Variants in TTYH2 observed in about 807,000 individuals in gnomAD.
TTYH2 encodes tweety family member 2.
Under a neutral mutation model 68.3 loss-of-function variants are expected in TTYH2, and 49 were observed. The observed-to-expected ratio is 0.72, with a 90% CI of 0.57 to 0.91. TTYH2 has a LOEUF of 0.91. Ranked by LOEUF, TTYH2 falls within the 40% of genes least tolerant of loss-of-function variation. TTYH2 has a pLI of 0.00. For missense variants in TTYH2, 631 were observed against 700.4 expected (o/e 0.90, Z 1.12); for synonymous variants, 272 against 300.8 (o/e 0.90, Z 0.99).
intron 9 of TTYH2, 117 bp downstream of exon 9, chr17:74,250,145 C>T (rs2050605813): frequency 1.4e-6 from 2 of 1,457,956 alleles, no homozygotes; most frequent in Non-Finnish European, 1.9e-6. Flanking sequence ...GTTCTCCCGC[C>T]CCCGTGACTC....
At position 74,245,148 on chromosome 17, in the gene TTYH2, C is replaced by T. The variant is rs570482498; in HGVS notation, c.804+1099C>T. Among the ~76,000 whole-genome samples, 13 of 152,356 alleles carry T rather than the reference C, an allele frequency of 8.5e-5. No individual in the cohort carries two copies. The South Asian group carries it at 2.7e-3, about 32-fold the overall frequency. On this transcript the variant is annotated intron_variant, in intron 6 of 13. Coordinates refer to ENST00000269346, the MANE Select transcript of TTYH2 (RefSeq NM_032646.6). Reference sequence around the variant, plus strand: ...CACAATGCCCTCAGGGACTCTGGCACTGCCTGACTTAGCACCTTAGGCAGA... The same window carrying T: ...CACAATGCCCTCAGGGACTCTGGCATTGCCTGACTTAGCACCTTAGGCAGA...
At chr17:74,226,453 G>T (rs1305250129) in intron 2 of TTYH2, among the ~76,000 whole-genome samples, 1 of 152,176 alleles carries the variant, frequency 6.6e-6, no homozygotes, top group Admixed American at 6.5e-5. Flanking sequence ...CGTGGGAGGG[G>T]GGTTGGGAAA....
chr17:74,214,990 C>T lies in TTYH2; in HGVS notation c.129+1274C>T, dbSNP rs1456041286. 3.9e-5 allele frequency among the ~76,000 whole-genome samples: 6 copies of T among 152,136 alleles called. No homozygotes were observed. The highest frequency in any genetic ancestry group is 7.4e-5 in the Non-Finnish European group (5 of 68,018). ...AGGGAGGGGAGCATCAGGACCCCTT[C>T]CTGGGGTTCAGTGGGCACTCAGGAG... On this transcript the variant is annotated intron_variant, in intron 1 of 13. Transcript: ENST00000269346. This position sits in a 1 kb window ranked among gnomAD's most constrained non-coding sequence, Gnocchi z 4.6.
At chr17:74,253,289 G>C (rs766992012) in intron 12 of TTYH2, 23 bp downstream of exon 12, 1 of 1,562,072 alleles carries the variant, frequency 6.4e-7, no homozygotes. Context: ...CACACACCCA[G>C]GCTGGGTAGC....
chr17:74,250,052 G>A, intron 9 of TTYH2, 24 bp downstream of exon 9: 1 of 1,612,678 alleles, frequency 6.2e-7, no homozygotes, highest in Non-Finnish European at 8.5e-7. Context: ...GCAGGAAGAG[G>A]GGAGCCCCAG....
At chr17:74,253,294 G>A in intron 12 of TTYH2, 28 bp downstream of exon 12, 1 of 1,550,648 alleles carries the variant, frequency 6.4e-7, no homozygotes, top group Non-Finnish European at 8.7e-7. Context: ...ACCCAGGCTG[G>A]GTAGCACTGC....
rs984296294 is a variant in TTYH2 at position 74,228,510 on chromosome 17, T to C, written c.303-2378T>C. ...GGATGACAAGAGTCAAGATTTGAAA[T>C]GATTTGTTCATGCTGGAATGTTGGA... On this transcript the variant is annotated intron_variant, in intron 2 of 13. Coordinates refer to ENST00000269346, the MANE Select transcript of TTYH2 (RefSeq NM_032646.6). Among the ~76,000 whole-genome samples the C allele has an allele frequency of 6.6e-4, 101 of 152,162 alleles. 1 individual carries two copies. Among genetic ancestry groups the C allele is most frequent in the African/African-American group, 2.3e-3 (96 of 41,420 alleles).
intron 13 of TTYH2, 46 bp downstream of exon 13, chr17:74,253,879 C>T: frequency 1.3e-6 from 2 of 1,587,126 alleles, no homozygotes; most frequent in Non-Finnish European, 1.7e-6. Context: ...TACATAAAGA[C>T]AAAACCTCCT....
intron 3 of TTYH2, among the ~76,000 whole-genome samples, chr17:74,231,477 C>G (rs2050389318): frequency 6.6e-6 from 1 of 152,080 alleles, no homozygotes. Flanking sequence ...ATGTGGAGCT[C>G]AGGAGTTTGA....
At chr17:74,227,749 G>GT (rs61337166) in intron 2 of TTYH2, among the ~76,000 whole-genome samples, 2,289 of 133,266 alleles carry the variant, frequency 0.017, 31 homozygotes, top group East Asian at 0.072. Context: ...CAGGAACCTT[G>GT]TTTTTTTTTT....
intron 1 of TTYH2, among the ~76,000 whole-genome samples, chr17:74,220,067 A>G (rs947752773): frequency 6.6e-6 from 1 of 151,958 alleles, no homozygotes; most frequent in African/African-American, 2.4e-5. Context: ...GCTAGACTCA[A>G]ACTCCTGGGC....
At chr17:74,251,216 G>A (rs1177807107) in intron 10 of TTYH2, among the ~76,000 whole-genome samples, 1 of 151,442 alleles carries the variant, frequency 6.6e-6, no homozygotes, top group Non-Finnish European at 1.5e-5. Context: ...TGTGGTGCAT[G>A]TGTATGTGCC....
intron 13 of TTYH2, among the ~76,000 whole-genome samples, chr17:74,254,803 T>C (rs1007374026): frequency 5.3e-5 from 8 of 152,266 alleles, no homozygotes; most frequent in Non-Finnish European, 1.2e-4. Flanking sequence ...AGGAATTTTT[T>C]TTCTTTTTAG....
chr17:74,233,236 T>G (rs1567814293), intron 3 of TTYH2, among the ~76,000 whole-genome samples: 4 of 152,176 alleles, frequency 2.6e-5, no homozygotes, highest in African/African-American at 9.7e-5. Flanking sequence ...AAGGTGGCAC[T>G]GGGTCCTTAC....
In TTYH2 at chr17:74,232,868, G is replaced by A. The variant is rs1224785307; in HGVS notation, c.414+1869G>A. On this transcript the variant is annotated intron_variant, in intron 3 of 13. Coordinates refer to ENST00000269346, the MANE Select transcript of TTYH2 (RefSeq NM_032646.6). This position sits in a 1 kb window ranked among gnomAD's most constrained non-coding sequence, Gnocchi z 5.1. Reference sequence around the variant, plus strand: ...ACGAGAGCTGCCAGGGAGGGGAGCTGGAACGGGCCCCCAGGCTGGGGCCTC... The same window carrying A: ...ACGAGAGCTGCCAGGGAGGGGAGCTAGAACGGGCCCCCAGGCTGGGGCCTC... 6.6e-6 allele frequency among the ~76,000 whole-genome samples: 1 copy of A among 152,226 alleles called. No individual in the cohort carries two copies. Among genetic ancestry groups the A allele is most frequent in the Non-Finnish European group, 1.5e-5 (1 of 68,030 alleles).
intron 3 of TTYH2, among the ~76,000 whole-genome samples, chr17:74,234,733 T>G (rs1403626660): frequency 6.6e-6 from 1 of 152,186 alleles, no homozygotes; most frequent in Non-Finnish European, 1.5e-5. Flanking sequence ...ACAAGTGGCC[T>G]CACAGAAAAA....
In TTYH2 at chr17:74,213,674, C is replaced by G. The variant is rs565431580; in HGVS notation, c.87C>G (p.Pro29=). 6.1e-5 allele frequency: 99 copies of G among 1,612,778 alleles called. No individual in the cohort carries two copies. The highest frequency in any genetic ancestry group is 5.6e-4 in the East Asian group (25 of 44,806). ...CGCACGTCGGCCTGCGCCTGCAGCCCGTGAACAGCACCTTCAGCCCCGGCG... is the reference window on the plus strand; with the variant it reads ...CGCACGTCGGCCTGCGCCTGCAGCCGGTGAACAGCACCTTCAGCCCCGGCG... ...SVPHVGLRLQ[P]VNSTFSPGDE... Residue 29 remains proline (P), a synonymous_variant, in exon 1 of 14, where the codon CCC becomes CCG. Coordinates refer to ENST00000269346, the MANE Select transcript of TTYH2 (RefSeq NM_032646.6). The surrounding 1 kb of genome is among the most constrained non-coding windows in gnomAD (Gnocchi z 6.1).
chr17:74,223,483 T>C (rs2143722764), intron 2 of TTYH2, among the ~76,000 whole-genome samples: 1 of 152,074 alleles, frequency 6.6e-6, no homozygotes, highest in East Asian at 1.9e-4. Flanking sequence ...TGCTCCCCCC[T>C]CAGCTTCCCA....
intron 6 of TTYH2, among the ~76,000 whole-genome samples, chr17:74,247,365 C>G (rs2050569649): frequency 6.6e-6 from 1 of 152,150 alleles, no homozygotes; most frequent in Admixed American, 6.5e-5. Context: ...GCATCACACA[C>G]ATACATGCAC....
Sources: allele counts gnomAD v4.1 joint callset (sites outside exome capture counted in the v4.1 genomes callset), GRCh38; gene constraint gnomAD v4.1.1; non-coding constraint Gnocchi (gnomAD v3.1); transcripts MANE v1.5; gene names NCBI Gene and HGNC (gene_info 2026-07-23, HGNC 2026-07-21).